The following MARCO variants were observed in gnomAD, a reference collection of about 807,000 sequenced individuals.
The protein encoded by MARCO is macrophage receptor MARCO.
Under a neutral mutation model 70.0 loss-of-function variants are expected in MARCO, and 72 were observed. The observed-to-expected ratio is 1.03, with a 90% CI of 0.85 to 1.25. The LOEUF (loss-of-function observed/expected upper bound fraction) is 1.25. MARCO is among the 50% of genes most tolerant of loss of function. The pLI, the probability that MARCO is intolerant of heterozygous loss-of-function variation, is 0.00. For synonymous variants in MARCO, 273 were observed against 243.1 expected (o/e 1.12, Z -1.14); for missense variants, 696 against 659.3 (o/e 1.06, Z -0.61).
At chr2:118,989,426 C>A (rs1378049443) in intron 12 of MARCO, among the ~76,000 whole-genome samples, 1 of 152,210 alleles carries the variant, frequency 6.6e-6, no homozygotes, top group African/African-American at 2.4e-5. Context: ...CTCTTGTTGC[C>A]TGGGTCTGCA....
In MARCO at chr2:118,942,291, A is replaced by C. The variant is rs777078563; in HGVS notation, c.-10A>C. 6.7e-5 allele frequency: 107 copies of C among 1,602,544 alleles called. No individual in the cohort carries two copies. The highest frequency in any genetic ancestry group is 9.0e-5 in the Non-Finnish European group (105 of 1,169,898). On this transcript the variant is annotated 5_prime_UTR_variant, in exon 1 of 17. Coordinates refer to ENST00000327097, the MANE Select transcript of MARCO (RefSeq NM_006770.4). ...GGCTCCAGGACTTTGGCCATCTATA[A>C]AGCTTGGCAATGAGAAATAAGAAAA... is the stretch of plus-strand genomic sequence containing the variant.
chr2:118,971,447 G>T (rs1008569979), intron 3 of MARCO, 52 bp from the exon 4 acceptor site: 14 of 1,592,658 alleles, frequency 8.8e-6, no homozygotes, highest in Non-Finnish European at 1.2e-5. Flanking sequence ...GTTGGGGCTT[G>T]GGCCAAGGGT....
chr2:118,965,416 T>C (rs1355373482), intron 1 of MARCO, among the ~76,000 whole-genome samples: 5 of 152,218 alleles, frequency 3.3e-5, no homozygotes, highest in Admixed American at 1.3e-4. Context: ...TTTTTTTATA[T>C]GTTGTACTAT....
rs1680407342 is a variant in MARCO, at chr2:118,982,238, C to T, written c.984C>T (p.Gly328=). Residue 328 remains glycine (G), a synonymous_variant, in exon 11 of 17, where the codon GGC becomes GGT. Coordinates refer to ENST00000327097, the MANE Select transcript of MARCO (RefSeq NM_006770.4). ...CCAAGGGTGAGCCTGGCAGTGCTGG[C>T]TCCCCTGGGCGAGCAGGTGAGGTCC... ...PGAKGEPGSA[G]SPGRAGLPGS... is the part of the protein sequence containing the mutation. 1 of 1,612,962 alleles carries T rather than the reference C, an allele frequency of 6.2e-7. No homozygotes were observed. The highest frequency in any genetic ancestry group is 1.7e-5 in the Admixed American group (1 of 59,980).
chr2:118,990,475 G>C, intron 12 of MARCO, 114 bp from the exon 13 acceptor site: 2 of 988,072 alleles, frequency 2.0e-6, no homozygotes, highest in Non-Finnish European at 3.1e-6. Context: ...GAGAACCAAT[G>C]TATCTTTCCA....
chr2:118,959,965 G>C (rs1679910861), intron 1 of MARCO, among the ~76,000 whole-genome samples: 3 of 152,002 alleles, frequency 2.0e-5, no homozygotes, highest in Admixed American at 2.0e-4. Flanking sequence ...AGGGAAGAGT[G>C]GGAGGGTGGT....
chr2:118,994,325 C>G, intron 16 of MARCO, 62 bp from the exon 17 acceptor site: 1 of 1,599,942 alleles, frequency 6.3e-7, no homozygotes, highest in Non-Finnish European at 8.6e-7. Flanking sequence ...GCACACGTGG[C>G]TTCTTTGCTT....
rs1558671933 is a variant in MARCO at position 118,986,701 on chromosome 2, GAAAGAAAGAAAGAAAGAAAGAAAAGAAA to G, written c.1064-3887_1064-3860del. On this transcript the variant is annotated intron_variant, in intron 12 of 16. Transcript: ENST00000327097. Reference sequence around the variant, plus strand: ...AGAAAGAAAGAAAGAAAGAAAGAAAGAAAGAAAGAAAGAAAGAAAGAAAAGAAAGAAAGAAAGAGAAAGAAAGAGAAAG... The same window carrying G: ...AGAAAGAAAGAAAGAAAGAAAGAAAGGAAAGAAAGAGAAAGAAAGAGAAAG... Among the ~76,000 whole-genome samples the G allele has an allele frequency of 3.8e-4, 34 of 89,298 alleles. 2 individuals carry two copies. Among genetic ancestry groups the G allele is most frequent in the African/African-American group, 1.5e-3 (29 of 19,102 alleles). The allele number at this position is 89,298 out of a possible 152,430, so 58.6% of individuals were successfully genotyped here. A position where few individuals can be genotyped will look rare whatever the true frequency, so the allele number is the denominator to read the frequency against.
intron 16 of MARCO, 58 bp downstream of exon 16, chr2:118,993,358 C>A (rs980487461): frequency 1.8e-5 from 28 of 1,549,114 alleles, no homozygotes; most frequent in South Asian, 5.7e-5. Flanking sequence ...GGCTTTCTCT[C>A]GCTGGTGGGG....
intron 13 of MARCO, 100 bp downstream of exon 13, chr2:118,990,733 C>G (rs1247290478): frequency 8.4e-7 from 1 of 1,195,416 alleles, no homozygotes; most frequent in Non-Finnish European, 1.2e-6. Context: ...CAGCTGTGAC[C>G]TTCTCCCAAA....
chr2:118,989,212 A>G (rs1250024753), intron 12 of MARCO, among the ~76,000 whole-genome samples: 2 of 152,320 alleles, frequency 1.3e-5, no homozygotes, highest in East Asian at 3.9e-4. Context: ...TCTCCAGGTG[A>G]ACCAAAGCAG....
At chr2:118,967,975 A>C (rs1024836294) in intron 1 of MARCO, among the ~76,000 whole-genome samples, 5 of 152,262 alleles carry the variant, frequency 3.3e-5, no homozygotes, top group Non-Finnish European at 5.9e-5. Context: ...TTGAAGCTAG[A>C]CCAACCTGGG....
intron 6 of MARCO, 140 bp from the exon 7 acceptor site, chr2:118,977,331 A>AGAGAGT (rs972572660): frequency 4.4e-6 from 3 of 676,704 alleles, no homozygotes; most frequent in South Asian, 1.8e-5. Flanking sequence ...AGAGAGAGAG[A>AGAGAGT]GAGAGTGAGA....
intron 14 of MARCO, 125 bp downstream of exon 14, chr2:118,992,000 G>A (rs752492684): frequency 4.1e-6 from 3 of 738,522 alleles, no homozygotes; most frequent in Non-Finnish European, 6.8e-6. Flanking sequence ...GAGGGTAGAG[G>A]TTTATTTCCT....
At chr2:118,975,425 ACAC>A (rs1268897961) in intron 6 of MARCO, among the ~76,000 whole-genome samples, 1 of 152,218 alleles carries the variant, frequency 6.6e-6, no homozygotes, top group African/African-American at 2.4e-5. Flanking sequence ...CAGAAAGAAA[ACAC>A]CACCAGTTAC....
intron 12 of MARCO, among the ~76,000 whole-genome samples, chr2:118,985,289 G>T (rs3731612): frequency 6.6e-6 from 1 of 151,844 alleles, no homozygotes; most frequent in African/African-American, 2.4e-5. Flanking sequence ...GAGAGAAATC[G>T]GTTACCTTCA....
At chr2:118,985,246 C>T (rs1489827150) in intron 12 of MARCO, among the ~76,000 whole-genome samples, 3 of 152,136 alleles carry the variant, frequency 2.0e-5, no homozygotes, top group Non-Finnish European at 2.9e-5. Context: ...TTTCCAGAAT[C>T]GGTTTTATGG....
intron 1 of MARCO, among the ~76,000 whole-genome samples, chr2:118,948,498 A>C (rs1274120149): frequency 6.6e-6 from 1 of 152,250 alleles, no homozygotes. Context: ...CAGCAGTTAC[A>C]TAGGCTAGGG....
In MARCO at chr2:118,969,274, T is replaced by C; in HGVS notation, c.199+13T>C. 1 of 1,611,342 alleles carries C rather than the reference T, an allele frequency of 6.2e-7. No homozygotes were observed. Among genetic ancestry groups the C allele is most frequent in the Non-Finnish European group, 8.5e-7 (1 of 1,177,550 alleles). ...CTGGTGGTCCAAGGTAAAGCAGGCT[T>C]GGTCCTGTGTAGTCCCTCCTGGGGG... is the stretch of plus-strand genomic sequence containing the variant. On this transcript the variant is annotated intron_variant, in intron 2 of 16. Transcript: ENST00000327097.
Sources: allele counts gnomAD v4.1 joint callset (sites outside exome capture counted in the v4.1 genomes callset), GRCh38; gene constraint gnomAD v4.1.1; transcripts MANE v1.5; gene names NCBI Gene and HGNC (gene_info 2026-07-23, HGNC 2026-07-21).